Variants in THSD7B observed in about 807,000 individuals in gnomAD.
The protein encoded by THSD7B is thrombospondin type 1 domain containing 7B.
A neutral mutation model predicts 213.6 loss-of-function variants in THSD7B; 138 were observed. The ratio of observed to expected loss-of-function variants is 0.65; its 90% CI spans 0.56 to 0.74. The LOEUF is 0.74. Ranked by LOEUF, THSD7B falls within the 30% of genes least tolerant of loss-of-function variation. THSD7B has a pLI of 0.00. For missense variants in THSD7B, 1,931 were observed against 1,991.5 expected (o/e 0.97, Z 0.58); for synonymous variants, 742 against 687.0 (o/e 1.08, Z -1.25).
chr2:136,898,018 T>C (rs1026412582), intron 2 of THSD7B, among the ~76,000 whole-genome samples: 1 of 152,108 alleles, frequency 6.6e-6, no homozygotes, highest in Admixed American at 6.5e-5. Flanking sequence ...ATTGGTGCGT[T>C]TTTACAGAGT....
chr2:137,612,310 A>G (rs996019858), intron 17 of THSD7B, among the ~76,000 whole-genome samples: 3 of 152,162 alleles, frequency 2.0e-5, no homozygotes, highest in African/African-American at 7.2e-5. Flanking sequence ...AATCTGTTAC[A>G]TGCATCACTC....
intron 14 of THSD7B, among the ~76,000 whole-genome samples, chr2:137,423,962 AACAT>A (rs70978219): frequency 0.57 from 86,566 of 151,396 alleles, 27,306 homozygotes; most frequent in East Asian, 0.77. Context: ...CATAAGGAGA[AACAT>A]ATAGATTAAT....
At position 137,411,595 on chromosome 2, in the gene THSD7B, T is replaced by C. The variant is rs1686653652; in HGVS notation, c.2696-14T>C. ...GATAAGCATTTAATATCTTAATGTC[T>C]CTTGTTGGAACAGGGAAAAGCAGAA... is the stretch of plus-strand genomic sequence containing the variant. On this transcript the variant is annotated splice_polypyrimidine_tract_variant and intron_variant, in intron 13 of 27. Coordinates refer to ENST00000409968, the MANE Select transcript of THSD7B (RefSeq NM_001316349.2). The C allele has an allele frequency of 6.2e-7, 1 of 1,601,474 alleles. No homozygotes were observed. Among genetic ancestry groups the C allele is most frequent in the Non-Finnish European group, 8.5e-7 (1 of 1,172,604 alleles).
chr2:137,642,881 A>G (rs1573761359), intron 21 of THSD7B, among the ~76,000 whole-genome samples: 1 of 152,258 alleles, frequency 6.6e-6, no homozygotes, highest in Non-Finnish European at 1.5e-5. Context: ...AGATCCTTCA[A>G]TCTCCTTGGC....
intron 3 of THSD7B, among the ~76,000 whole-genome samples, chr2:137,079,407 G>A (rs965252229): frequency 6.6e-6 from 1 of 152,090 alleles, no homozygotes; most frequent in Non-Finnish European, 1.5e-5. Flanking sequence ...GTTATATGGT[G>A]CATAGATATT....
At chr2:136,789,349 T>TA (rs1424053339) in intron 1 of THSD7B, among the ~76,000 whole-genome samples, 1 of 152,078 alleles carries the variant, frequency 6.6e-6, no homozygotes, top group Non-Finnish European at 1.5e-5. Context: ...TTTTAGCTTT[T>TA]ATTGATACAT....
At chr2:137,265,515 G>A (rs1210738376) in intron 10 of THSD7B, among the ~76,000 whole-genome samples, 5 of 152,144 alleles carry the variant, frequency 3.3e-5, no homozygotes, top group African/African-American at 7.2e-5. Flanking sequence ...ACATGCACAC[G>A]TATGTTTATT....
intron 24 of THSD7B, 142 bp downstream of exon 24, chr2:137,657,302 G>A: frequency 1.4e-6 from 1 of 697,154 alleles, no homozygotes; most frequent in Non-Finnish European, 2.3e-6. Flanking sequence ...ATTTTCATTA[G>A]ACGTTTGCAT....
chr2:137,173,149 C>CAT (rs1319020286), intron 7 of THSD7B, among the ~76,000 whole-genome samples: 1 of 152,026 alleles, frequency 6.6e-6, no homozygotes, highest in Non-Finnish European at 1.5e-5. Flanking sequence ...TTTTGAATGG[C>CAT]ATATAACCAT....
intron 14 of THSD7B, among the ~76,000 whole-genome samples, chr2:137,442,348 T>C (rs116704007): frequency 2.0e-3 from 306 of 152,266 alleles, no homozygotes; most frequent in African/African-American, 7.1e-3. Context: ...ATTTGTTTCA[T>C]TGTGTTCTTT....
chr2:137,052,239 T>C (rs1329438307), intron 2 of THSD7B, among the ~76,000 whole-genome samples: 1 of 152,122 alleles, frequency 6.6e-6, no homozygotes, highest in Non-Finnish European at 1.5e-5. Flanking sequence ...ACAAAAAGGG[T>C]AGCAAGTTGC....
intron 4 of THSD7B, among the ~76,000 whole-genome samples, chr2:137,114,061 A>T (rs1057161654): frequency 2.0e-5 from 3 of 152,106 alleles, no homozygotes; most frequent in Admixed American, 6.6e-5. Flanking sequence ...GACATCTGTT[A>T]CTTGATTTCA....
intron 2 of THSD7B, among the ~76,000 whole-genome samples, chr2:136,903,503 T>A (rs1684094747): frequency 6.6e-6 from 1 of 152,182 alleles, no homozygotes; most frequent in South Asian, 2.1e-4. Context: ...TTGTAACATA[T>A]GTTTTTCTCA....
intron 12 of THSD7B, among the ~76,000 whole-genome samples, chr2:137,400,338 C>A (rs1378800968): frequency 6.6e-6 from 1 of 151,710 alleles, no homozygotes; most frequent in Admixed American, 6.6e-5. Context: ...GCATTGATTT[C>A]TGCGCATCTA....
At chr2:137,381,584 T>TA (rs1380488691) in intron 12 of THSD7B, among the ~76,000 whole-genome samples, 3 of 152,088 alleles carry the variant, frequency 2.0e-5, no homozygotes, top group African/African-American at 7.2e-5. Flanking sequence ...GTCCATGCTG[T>TA]AAAGAAGGCA....
Position 137,638,261 on chromosome 2 carries a change from T to G in THSD7B, c.3800-4227T>G, listed in dbSNP as rs530453489. The stretch of plus-strand genomic sequence containing the variant: ...CACGTGTTGTAGGAGGGACCCAGGG[T>G]GAGGTAACTGAATCATGGGTGCCGG... On this transcript the variant is annotated intron_variant, in intron 20 of 27. Transcript: ENST00000409968. Among the ~76,000 whole-genome samples, 6 of 152,286 alleles carry G rather than the reference T, an allele frequency of 3.9e-5. No homozygotes were observed. The East Asian group carries it at 5.8e-4, about 15-fold the overall frequency.
intron 11 of THSD7B, 90 bp downstream of exon 11, chr2:137,272,752 ATAAG>A (rs1355278202): frequency 7.2e-7 from 1 of 1,384,988 alleles, no homozygotes; most frequent in Non-Finnish European, 9.9e-7. Context: ...TTGGTGAAAA[ATAAG>A]TAAGAGGGGA....
At chr2:137,580,410 T>C (rs1681549627) in intron 17 of THSD7B, among the ~76,000 whole-genome samples, 2 of 152,200 alleles carry the variant, frequency 1.3e-5, no homozygotes, top group African/African-American at 4.8e-5. Flanking sequence ...CCAACTGTTT[T>C]CTTAATTTTA....
intron 20 of THSD7B, among the ~76,000 whole-genome samples, chr2:137,621,746 T>C (rs1390987701): frequency 6.6e-6 from 1 of 152,162 alleles, no homozygotes; most frequent in Non-Finnish European, 1.5e-5. Flanking sequence ...TGTTAGTACA[T>C]CTTAGTGCAT....
Sources: allele counts gnomAD v4.1 joint callset (sites outside exome capture counted in the v4.1 genomes callset), GRCh38; gene constraint gnomAD v4.1.1; transcripts MANE v1.5; gene names NCBI Gene and HGNC (gene_info 2026-07-23, HGNC 2026-07-21).